The following DDR2 variants were observed in gnomAD, a reference collection of about 807,000 sequenced individuals.
DDR2 encodes discoidin domain-containing receptor 2.
Under a neutral mutation model 94.9 loss-of-function variants are expected in DDR2, and 27 were observed. The ratio of observed to expected loss-of-function variants is 0.28; its 90% CI spans 0.21 to 0.39. DDR2 has a LOEUF of 0.39. Ranked by LOEUF, DDR2 falls within the 10% of genes least tolerant of loss-of-function variation. DDR2 has a pLI of 1.00. For missense variants in DDR2, 783 were observed against 1,076.0 expected, an observed-to-expected ratio of 0.73 and a Z score of 3.81; for synonymous variants, 382 against 377.2, an observed-to-expected ratio of 1.01 and a Z score of -0.15.
chr1:162,705,531 G>GATC (rs1558037114), intron 2 of DDR2, among the ~76,000 whole-genome samples: 1 of 152,192 alleles, frequency 6.6e-6, no homozygotes, highest in East Asian at 1.9e-4. Context: ...GGATCAGGGG[G>GATC]CAACTCTATT....
intron 2 of DDR2, among the ~76,000 whole-genome samples, chr1:162,713,675 C>A (rs1469805385): frequency 6.6e-6 from 1 of 152,170 alleles, no homozygotes; most frequent in Non-Finnish European, 1.5e-5. Flanking sequence ...GTGAGTAGCT[C>A]TAATGCATTC....
At chr1:162,729,435 T>C (rs982043914) in intron 3 of DDR2, among the ~76,000 whole-genome samples, 4 of 150,328 alleles carry the variant, frequency 2.7e-5, no homozygotes, top group African/African-American at 4.9e-5. Context: ...TTTGGACACA[T>C]ACACAGTAAA....
At chr1:162,695,609 C>T (rs1660153287) in intron 2 of DDR2, among the ~76,000 whole-genome samples, 1 of 152,144 alleles carries the variant, frequency 6.6e-6, no homozygotes, top group Admixed American at 6.5e-5. Flanking sequence ...TGGGCATGAG[C>T]ATTAGAAGAA....
intron 2 of DDR2, among the ~76,000 whole-genome samples, chr1:162,658,804 G>C (rs1009762753): frequency 2.4e-5 from 1 of 41,366 alleles, no homozygotes; most frequent in Non-Finnish European, 7.3e-5. Flanking sequence ...TCCAGCCTGG[G>C]TGACAGAATG....
At chr1:162,701,441 A>C (rs941866658) in intron 2 of DDR2, among the ~76,000 whole-genome samples, 1 of 152,246 alleles carries the variant, frequency 6.6e-6, no homozygotes, top group Non-Finnish European at 1.5e-5. Flanking sequence ...TCTTGGCCAT[A>C]AACTATTGCT....
chr1:162,765,256 G>A lies in DDR2; in HGVS notation c.1100-745G>A, dbSNP rs118073691. 3.5e-3 allele frequency among the ~76,000 whole-genome samples: 533 copies of A among 152,210 alleles called. 7 individuals carry two copies. Among genetic ancestry groups the A allele is most frequent in the East Asian group, 0.034 (178 of 5,168 alleles). On this transcript the variant is annotated intron_variant, in intron 9 of 17. Transcript: ENST00000367921. The stretch of plus-strand genomic sequence containing the variant: ...CATAATAATATTAGTTTTCACCGGA[G>A]CCTGACAGCCGAACTCCGAAAGCAC...
chr1:162,644,994 C>T (rs1473701096), intron 1 of DDR2, among the ~76,000 whole-genome samples: 1 of 152,198 alleles, frequency 6.6e-6, no homozygotes, highest in Non-Finnish European at 1.5e-5. Context: ...TCTCCTTTCC[C>T]CAACCCCAAA....
intron 13 of DDR2, 39 bp from the exon 14 acceptor site, chr1:162,773,430 G>T: frequency 6.2e-7 from 1 of 1,611,040 alleles, no homozygotes. Context: ...ACATCTTCAG[G>T]AGAAATGATG....
intron 3 of DDR2, among the ~76,000 whole-genome samples, chr1:162,729,301 T>TATATATATATATATATATA (rs755861408): frequency 5.0e-5 from 3 of 60,106 alleles, no homozygotes; most frequent in African/African-American, 2.5e-4. Flanking sequence ...TATATATATA[T>TATATATATATATATATATA]TTTTTTTTTT....
At chr1:162,719,931 T>C (rs942601005) in intron 3 of DDR2, among the ~76,000 whole-genome samples, 41 of 152,040 alleles carry the variant, frequency 2.7e-4, no homozygotes, top group African/African-American at 9.4e-4. Context: ...TGTTTCATCC[T>C]CCTGCAGACT....
chr1:162,739,389 C>T (rs998405451), intron 3 of DDR2, among the ~76,000 whole-genome samples: 1 of 152,244 alleles, frequency 6.6e-6, no homozygotes, highest in Middle Eastern at 3.4e-3. Context: ...ATCACTGCAC[C>T]TCCGCCTCCC....
chr1:162,740,543 C>T (rs192891298), intron 3 of DDR2, among the ~76,000 whole-genome samples: 35 of 152,238 alleles, frequency 2.3e-4, no homozygotes, highest in South Asian at 1.5e-3. Flanking sequence ...GTCTCTGCTC[C>T]GAGTCACCTT....
At chr1:162,647,953 A>G (rs1451248721) in intron 1 of DDR2, among the ~76,000 whole-genome samples, 1 of 152,178 alleles carries the variant, frequency 6.6e-6, no homozygotes, top group Non-Finnish European at 1.5e-5. Context: ...AATGCCACCC[A>G]GCAGGTCTCA....
chr1:162,728,730 T>C (rs755135585), intron 3 of DDR2, among the ~76,000 whole-genome samples: 1 of 152,094 alleles, frequency 6.6e-6, no homozygotes, highest in East Asian at 1.9e-4. Flanking sequence ...CCCAACTTGG[T>C]GATTCTTGAC....
intron 12 of DDR2, among the ~76,000 whole-genome samples, chr1:162,771,727 C>G (rs1049821167): frequency 6.6e-6 from 1 of 152,168 alleles, no homozygotes; most frequent in Non-Finnish European, 1.5e-5. Flanking sequence ...AATATTCCCA[C>G]CCTGATATAC....
At chr1:162,708,241 G>T (rs1660743299) in intron 2 of DDR2, among the ~76,000 whole-genome samples, 1 of 152,192 alleles carries the variant, frequency 6.6e-6, no homozygotes, top group African/African-American at 2.4e-5. Flanking sequence ...AGGGTCTCCT[G>T]CAGGGATCAG....
intron 11 of DDR2, among the ~76,000 whole-genome samples, chr1:162,768,062 T>C (rs190233480): frequency 7.9e-5 from 12 of 152,378 alleles, no homozygotes; most frequent in Non-Finnish European, 1.6e-4. Flanking sequence ...CTCATAGGCA[T>C]TGTTATGTTT....
At chr1:162,634,806 T>C (rs1030655525) in intron 1 of DDR2, among the ~76,000 whole-genome samples, 4 of 152,224 alleles carry the variant, frequency 2.6e-5, no homozygotes, top group African/African-American at 9.6e-5. Flanking sequence ...ACCAGTCCCC[T>C]GATTGCTCCT....
rs1478970635 is a variant in DDR2, at chr1:162,761,192, A to AT, written c.856-18dup. ...TTAGCAGGGCCAACCTATCACTCAC[A>AT]TGCCTCTTTCTCTACCAGGTCCACT... On this transcript the variant is annotated intron_variant, in intron 8 of 17. Coordinates refer to ENST00000367921, the MANE Select transcript of DDR2 (RefSeq NM_006182.4). 1 of 1,613,756 alleles carries AT rather than the reference A, an allele frequency of 6.2e-7. No individual in the cohort carries two copies. The highest frequency in any genetic ancestry group is 2.2e-5 in the East Asian group (1 of 44,876).
Sources: gnomAD v4.1 joint callset for allele counts (sites outside exome capture counted in the v4.1 genomes callset) on GRCh38, gnomAD v4.1.1 for gene constraint, MANE v1.5 for transcripts, NCBI Gene and HGNC (gene_info 2026-07-23, HGNC 2026-07-21) for gene names.